Variants in SIL1 observed in about 807,000 individuals in gnomAD.
The protein encoded by SIL1 is SIL1 nucleotide exchange factor.
A neutral mutation model predicts 49.1 loss-of-function variants in SIL1; 40 were observed. The ratio of observed to expected loss-of-function variants is 0.81; its 90% CI spans 0.63 to 1.06. The LOEUF is 1.06. Ranked by LOEUF, SIL1 falls within the 50% of genes least tolerant of loss-of-function variation. The pLI, the probability that SIL1 is intolerant of heterozygous loss-of-function variation, is 0.00. For synonymous variants in SIL1, 253 were observed against 250.8 expected (o/e 1.01, Z -0.08); for missense variants, 500 against 572.6 (o/e 0.87, Z 1.29).
At chr5:139,018,194 T>A (rs144208175) in intron 7 of SIL1, among the ~76,000 whole-genome samples, 2 of 152,218 alleles carry the variant, frequency 1.3e-5, no homozygotes, top group Non-Finnish European at 2.9e-5. Flanking sequence ...AATTGCTTCA[T>A]GTTTAACACC....
At chr5:139,049,795 A>C (rs1424486924) in intron 4 of SIL1, among the ~76,000 whole-genome samples, 1 of 143,166 alleles carries the variant, frequency 7.0e-6, no homozygotes, top group African/African-American at 2.6e-5. Flanking sequence ...CCTATCTCTA[A>C]AAAAAAAAAA....
chr5:139,059,432 C>T (rs1227476739), intron 3 of SIL1, among the ~76,000 whole-genome samples: 5 of 152,184 alleles, frequency 3.3e-5, no homozygotes, highest in African/African-American at 1.2e-4. Context: ...TTATAAATTA[C>T]CCAGTCTCAG....
In SIL1 at chr5:139,114,229, T is replaced by C. The variant is rs549075536; in HGVS notation, c.244+6806A>G. Among the ~76,000 whole-genome samples the C allele has an allele frequency of 8.5e-4, 130 of 152,280 alleles. 1 individual carries two copies. Among genetic ancestry groups the C allele is most frequent in the South Asian group, 6.2e-3 (30 of 4,820 alleles). On this transcript the variant is annotated intron_variant, in intron 3 of 9. Coordinates refer to ENST00000394817, the MANE Select transcript of SIL1 (RefSeq NM_022464.5). ...GCAGTGGCTGCCATGGAGGTTGCAG[T>C]CCTTCCTGGCCTGGCCTCCACCTGC...
intron 7 of SIL1, among the ~76,000 whole-genome samples, chr5:138,974,490 T>C (rs2060223): frequency 0.013 from 2,003 of 152,280 alleles, 15 homozygotes; most frequent in Non-Finnish European, 0.02. Flanking sequence ...TGTTGAATAA[T>C]TGAAAGAGGA....
intron 4 of SIL1, 58 bp from the exon 5 acceptor site, chr5:139,042,777 G>T: frequency 6.7e-7 from 1 of 1,487,852 alleles, no homozygotes. Context: ...GTGGCTCACA[G>T]TTGTAATCCC....
At chr5:139,042,841 A>G (rs1377118384) in intron 4 of SIL1, 122 bp from the exon 5 acceptor site, 1 of 865,600 alleles carries the variant, frequency 1.2e-6, no homozygotes. Flanking sequence ...TCTACAAAAA[A>G]TTTAAAAATA....
chr5:138,989,988 G>A (rs867631811), intron 7 of SIL1, among the ~76,000 whole-genome samples: 14 of 152,128 alleles, frequency 9.2e-5, no homozygotes, highest in South Asian at 2.1e-4. Flanking sequence ...ACTGATCACT[G>A]TCCATGGCTC....
At chr5:139,112,033 G>A (rs988604751) in intron 3 of SIL1, among the ~76,000 whole-genome samples, 3 of 152,234 alleles carry the variant, frequency 2.0e-5, no homozygotes, top group African/African-American at 7.2e-5. Context: ...TTTTGCTGGA[G>A]ACGGGGTTTC....
chr5:139,181,705 T>G (rs1751986618), intron 1 of SIL1, among the ~76,000 whole-genome samples: 1 of 151,988 alleles, frequency 6.6e-6, no homozygotes, highest in South Asian at 2.1e-4. Flanking sequence ...CCCGCCAGAG[T>G]CCAGGATAGA....
intron 1 of SIL1, among the ~76,000 whole-genome samples, chr5:139,162,511 A>G (rs1274597302): frequency 3.3e-5 from 5 of 152,220 alleles, no homozygotes; most frequent in African/African-American, 1.2e-4. Context: ...AAACGAAGGA[A>G]GGGGAAAATG....
At chr5:139,132,741 G>A (rs1219354746) in intron 1 of SIL1, among the ~76,000 whole-genome samples, 8 of 152,168 alleles carry the variant, frequency 5.3e-5, no homozygotes, top group African/African-American at 1.7e-4. Context: ...CTGCAGCCAC[G>A]TCACCTGGTC....
Position 138,948,347 on chromosome 5 carries a change from T to C in SIL1, c.1030-874A>G, listed in dbSNP as rs1351746836. On this transcript the variant is annotated intron_variant, in intron 9 of 9. Transcript: ENST00000394817. The surrounding 1 kb of genome is among the most constrained non-coding windows in gnomAD (Gnocchi z 4.8). ...CCTTTCCTACTTCACCCCTCAGTCC[T>C]GCCAGCTTCGCTTCCAAAACACACC... Among the ~76,000 whole-genome samples the C allele has an allele frequency of 1.3e-5, 2 of 152,158 alleles. No homozygotes were observed. Among genetic ancestry groups the C allele is most frequent in the Admixed American group, 6.5e-5 (1 of 15,272 alleles).
At chr5:139,095,000 A>C (rs1770423835) in intron 3 of SIL1, among the ~76,000 whole-genome samples, 1 of 152,228 alleles carries the variant, frequency 6.6e-6, no homozygotes, top group African/African-American at 2.4e-5. Context: ...TTGAGGAAGA[A>C]TACCACAAAG....
intron 5 of SIL1, among the ~76,000 whole-genome samples, chr5:139,036,666 G>C (rs1476402408): frequency 6.6e-6 from 1 of 152,128 alleles, no homozygotes; most frequent in Admixed American, 6.5e-5. Context: ...CGGATACTTA[G>C]AGGGGAACAA....
Position 139,042,676 on chromosome 5 carries a change from T to G in SIL1, c.397A>C (p.Ser133Arg). The change falls in exon 5 of 10, where the codon AGT becomes CGT. Residue 133 changes from serine (S) to arginine (R), a missense_variant. Ser to Arg is a moderately radical substitution (Grantham distance 110). Coordinates refer to ENST00000394817, the MANE Select transcript of SIL1 (RefSeq NM_022464.5). Reference protein sequence around the residue: ...TNTYTSQDLKSALAKFKEGAE... With the variant: ...TNTYTSQDLKRALAKFKEGAE... ...CCCTCCTTGAATTTTGCCAGTGCAC[T>G]CTTGAGATCCTGAGATGTGTAGGTG... 1 of 1,614,122 alleles carries G rather than the reference T, an allele frequency of 6.2e-7. No homozygotes were observed. The highest frequency in any genetic ancestry group is 8.5e-7 in the Non-Finnish European group (1 of 1,180,032).
intron 7 of SIL1, among the ~76,000 whole-genome samples, chr5:139,000,454 A>G (rs930370463): frequency 6.6e-6 from 1 of 152,210 alleles, no homozygotes; most frequent in African/African-American, 2.4e-5. Context: ...ACCAATACAA[A>G]TAAGAGAATT....
chr5:138,992,643 T>C (rs1385330137), intron 7 of SIL1, among the ~76,000 whole-genome samples: 2 of 150,842 alleles, frequency 1.3e-5, no homozygotes, highest in African/African-American at 4.9e-5. Flanking sequence ...ATCAAAAAAA[T>C]AAATAATCCT....
intron 7 of SIL1, among the ~76,000 whole-genome samples, chr5:138,995,156 G>A (rs948123012): frequency 6.6e-6 from 1 of 152,036 alleles, no homozygotes; most frequent in South Asian, 2.1e-4. Context: ...ATGAACATAG[G>A]CATGCATGGG....
chr5:139,077,869 TAGGAGG>T (rs1415982116), intron 3 of SIL1, among the ~76,000 whole-genome samples: 6 of 152,110 alleles, frequency 3.9e-5, no homozygotes, highest in Admixed American at 1.3e-4. Flanking sequence ...TAGTGCACCC[TAGGAGG>T]AGGAGATTAT....
Sources: allele counts gnomAD v4.1 joint callset (sites outside exome capture counted in the v4.1 genomes callset), GRCh38; gene constraint gnomAD v4.1.1; non-coding constraint Gnocchi (gnomAD v3.1); transcripts MANE v1.5; gene names NCBI Gene and HGNC (gene_info 2026-07-23, HGNC 2026-07-21).